MYRIP: variants seen among roughly 807,000 people sequenced by gnomAD.
MYRIP encodes myosin VIIA and Rab interacting protein, also known as rab effector MyRIP.
A neutral mutation model predicts 98.0 loss-of-function variants in MYRIP; 49 were observed. The observed-to-expected ratio is 0.50, with a 90% CI of 0.40 to 0.63. The LOEUF (loss-of-function observed/expected upper bound fraction) is 0.63. MYRIP is among the 30% of genes least tolerant of loss of function. The probability of loss-of-function intolerance (pLI) is 0.00; values close to 1 mark genes in which losing one functional copy is unlikely to be tolerated. For missense variants in MYRIP, 1,004 were observed against 1,058.2 expected (o/e 0.95, Z 0.71); for synonymous variants, 404 against 409.5 (o/e 0.99, Z 0.16).
intron 10 of MYRIP, among the ~76,000 whole-genome samples, chr3:40,206,014 T>C (rs1951783659): frequency 6.6e-6 from 1 of 152,144 alleles, no homozygotes. Context: ...TTTGGAGGCA[T>C]GGACCCCTGT....
intron 2 of MYRIP, among the ~76,000 whole-genome samples, chr3:39,988,863 A>C (rs1013767341): frequency 4.6e-5 from 7 of 151,418 alleles, no homozygotes; most frequent in Non-Finnish European, 1.0e-4. Context: ...CAGCTCTATC[A>C]GGTCATTTAT....
chr3:40,082,254 C>A (rs566552031), intron 3 of MYRIP, among the ~76,000 whole-genome samples: 9 of 152,222 alleles, frequency 5.9e-5, no homozygotes, highest in African/African-American at 1.9e-4. Flanking sequence ...GATCTATGTC[C>A]AAGGAATTTG....
In MYRIP at chr3:40,083,873, C is replaced by G. The variant is rs1243807925; in HGVS notation, c.332+39602C>G. 1.3e-5 allele frequency among the ~76,000 whole-genome samples: 2 copies of G among 151,994 alleles called. 1 individual carries two copies. Among genetic ancestry groups the G allele is most frequent in the Non-Finnish European group, 2.9e-5 (2 of 67,998 alleles). On this transcript the variant is annotated intron_variant, in intron 3 of 16. Coordinates refer to ENST00000302541, the MANE Select transcript of MYRIP (RefSeq NM_015460.4). Reference sequence around the variant, plus strand: ...ACATTCTCGGCCGGGCGCGGTGGCTCACGCCTGTAATCCCAACACTTTGTG... The same window carrying G: ...ACATTCTCGGCCGGGCGCGGTGGCTGACGCCTGTAATCCCAACACTTTGTG...
At chr3:40,003,465 A>G (rs1367597048) in intron 2 of MYRIP, among the ~76,000 whole-genome samples, 2 of 152,246 alleles carry the variant, frequency 1.3e-5, no homozygotes, top group Admixed American at 6.5e-5. Context: ...TCAGAACAAC[A>G]TTAGAGCTGA....
chr3:40,187,221 A>G (rs2693488), intron 9 of MYRIP, among the ~76,000 whole-genome samples: 140,099 of 152,252 alleles, frequency 0.92, 64,526 homozygotes, highest in Middle Eastern at 0.96. Context: ...CTTTATATGC[A>G]TTATCTCATA....
chr3:39,918,552 T>C (rs1308099449), intron 2 of MYRIP, among the ~76,000 whole-genome samples: 2 of 152,202 alleles, frequency 1.3e-5, no homozygotes, highest in Non-Finnish European at 2.9e-5. Flanking sequence ...CTTCATTCTA[T>C]GTGTAGGGGC....
At position 40,259,898 on chromosome 3, in the gene MYRIP, TTG is replaced by T. The variant is rs1294701338; in HGVS notation, c.*1736_*1737del. 1 of 152,672 alleles carries T rather than the reference TTG, an allele frequency of 6.5e-6. No individual in the cohort carries two copies. Among genetic ancestry groups the T allele is most frequent in the African/African-American group, 2.4e-5 (1 of 41,468 alleles). 9.5% of individuals were successfully genotyped at this position (152,672 alleles called of 1,614,324 possible). The stretch of plus-strand genomic sequence containing the variant: ...TAAGAGGCATGAAAAGCAACTATTG[TTG>T]TGTTACAGTGTTAAAAATATTCAGT... On this transcript the variant is annotated 3_prime_UTR_variant, in exon 17 of 17. Coordinates refer to ENST00000302541, the MANE Select transcript of MYRIP (RefSeq NM_015460.4).
At chr3:40,099,734 A>G (rs1328522712) in intron 3 of MYRIP, among the ~76,000 whole-genome samples, 1 of 152,228 alleles carries the variant, frequency 6.6e-6, no homozygotes, top group Non-Finnish European at 1.5e-5. Context: ...AAGAACATTT[A>G]GCTAAAGCAA....
intron 2 of MYRIP, among the ~76,000 whole-genome samples, chr3:39,972,985 G>T (rs1009627364): frequency 6.6e-6 from 1 of 151,774 alleles, no homozygotes; most frequent in East Asian, 1.9e-4. Flanking sequence ...AGACTAATTT[G>T]CTAAATAAAT....
chr3:40,026,714 C>T (rs997757916), intron 2 of MYRIP, among the ~76,000 whole-genome samples: 3 of 152,276 alleles, frequency 2.0e-5, no homozygotes, highest in Non-Finnish European at 4.4e-5. Flanking sequence ...TGGCTCCTGC[C>T]TAGCTTCCAC....
intron 2 of MYRIP, among the ~76,000 whole-genome samples, chr3:40,016,161 C>T (rs1019291921): frequency 1.3e-5 from 2 of 152,094 alleles, no homozygotes; most frequent in African/African-American, 4.8e-5. Flanking sequence ...ATTGTGTCCA[C>T]TCCCATCTCT....
chr3:40,105,662 G>A (rs537853673), intron 3 of MYRIP, among the ~76,000 whole-genome samples: 16 of 152,200 alleles, frequency 1.1e-4, no homozygotes, highest in African/African-American at 3.6e-4. Flanking sequence ...AAAGGAAAGA[G>A]GTTTAATTGA....
intron 3 of MYRIP, among the ~76,000 whole-genome samples, chr3:40,125,760 C>G (rs1295556587): frequency 6.6e-6 from 1 of 152,204 alleles, no homozygotes; most frequent in Admixed American, 6.5e-5. Context: ...CACGTCTTCT[C>G]ACTTCTCTTC....
rs1444341038 is a variant in MYRIP, at chr3:40,259,607, C to T, written c.*1441C>T. 8 of 152,178 alleles carry T rather than the reference C, an allele frequency of 5.3e-5. No homozygotes were observed. Among genetic ancestry groups the T allele is most frequent in the Admixed American group, 3.3e-4 (5 of 15,274 alleles). The allele number at this position is 152,178 out of a possible 1,614,324, so 9.4% of individuals were successfully genotyped here. ...CTAACTCTGTTGTTTTCAACCTCTA[C>T]GTTATTTTGCTGCTATGTGCATTTC... On this transcript the variant is annotated 3_prime_UTR_variant, in exon 17 of 17. Coordinates refer to ENST00000302541, the MANE Select transcript of MYRIP (RefSeq NM_015460.4).
chr3:39,836,758 A>G (rs1941639964), intron 1 of MYRIP, among the ~76,000 whole-genome samples: 2 of 152,238 alleles, frequency 1.3e-5, no homozygotes, highest in Admixed American at 1.3e-4. Context: ...TTTATTTAGT[A>G]TAGAATTAAC....
intron 2 of MYRIP, among the ~76,000 whole-genome samples, chr3:40,020,802 G>A (rs1368919510): frequency 6.6e-6 from 1 of 151,960 alleles, no homozygotes; most frequent in African/African-American, 2.4e-5. Context: ...AAAACTGTTG[G>A]CAGTGTACCT....
At chr3:39,985,256 T>G (rs1348771445) in intron 2 of MYRIP, among the ~76,000 whole-genome samples, 1 of 144,646 alleles carries the variant, frequency 6.9e-6, no homozygotes, top group Admixed American at 7.0e-5. Context: ...ACAAGGGACG[T>G]GAAGGACCTC....
At chr3:39,864,507 C>T (rs1942565253) in intron 1 of MYRIP, among the ~76,000 whole-genome samples, 1 of 152,106 alleles carries the variant, frequency 6.6e-6, no homozygotes, top group African/African-American at 2.4e-5. Flanking sequence ...ACACCAACAA[C>T]ATCCAAGCTG....
At chr3:39,988,615 G>A (rs1474249982) in intron 2 of MYRIP, among the ~76,000 whole-genome samples, 4 of 151,334 alleles carry the variant, frequency 2.6e-5, no homozygotes, top group African/African-American at 9.7e-5. Flanking sequence ...TTTCCAGCTC[G>A]GTTCCATTCT....
Sources: allele counts gnomAD v4.1 joint callset (sites outside exome capture counted in the v4.1 genomes callset), GRCh38; gene constraint gnomAD v4.1.1; transcripts MANE v1.5; gene names NCBI Gene and HGNC (gene_info 2026-07-23, HGNC 2026-07-21).